The following PDE7B variants were observed in gnomAD, a reference collection of about 807,000 sequenced individuals.
The protein encoded by PDE7B is 3',5'-cyclic-AMP phosphodiesterase 7B.
Under a neutral mutation model 56.2 loss-of-function variants are expected in PDE7B, and 29 were observed. The ratio of observed to expected loss-of-function variants is 0.52; its 90% CI spans 0.38 to 0.70. The LOEUF (loss-of-function observed/expected upper bound fraction) is 0.70, where lower values mean the gene tolerates loss of function less well. PDE7B is among the 30% of genes least tolerant of loss of function. The pLI, the probability that PDE7B is intolerant of heterozygous loss-of-function variation, is 0.00. For missense variants in PDE7B, 490 were observed against 565.0 expected (o/e 0.87, Z 1.35); for synonymous variants, 197 against 196.9 (o/e 1.00, Z 0.00).
chr6:136,076,490 C>T (rs1777130543), intron 2 of PDE7B, among the ~76,000 whole-genome samples: 1 of 152,074 alleles, frequency 6.6e-6, no homozygotes, highest in Admixed American at 6.6e-5. Context: ...TAAAAATAAG[C>T]TAATGTGTGC....
intron 3 of PDE7B, among the ~76,000 whole-genome samples, chr6:136,144,529 A>G (rs940559675): frequency 1.3e-5 from 2 of 152,190 alleles, no homozygotes; most frequent in Admixed American, 1.3e-4. Context: ...CACATGTGAA[A>G]TGAGTATTAA....
At chr6:136,084,092 G>A (rs1408469504) in intron 2 of PDE7B, among the ~76,000 whole-genome samples, 1 of 151,882 alleles carries the variant, frequency 6.6e-6, no homozygotes, top group Non-Finnish European at 1.5e-5. Context: ...CTACCAACTG[G>A]GACATTGTGT....
intron 1 of PDE7B, among the ~76,000 whole-genome samples, chr6:135,887,392 A>G (rs1483834988): frequency 2.0e-5 from 3 of 152,160 alleles, no homozygotes; most frequent in Non-Finnish European, 4.4e-5. Flanking sequence ...TGCTCTGCAG[A>G]TTAACTGTAC....
At chr6:136,020,121 T>C (rs1237730250) in intron 2 of PDE7B, among the ~76,000 whole-genome samples, 1 of 152,184 alleles carries the variant, frequency 6.6e-6, no homozygotes, top group Non-Finnish European at 1.5e-5. Context: ...CCCTCTTCAG[T>C]GTGTCTCTTC....
chr6:135,913,794 A>G (rs1776251014), intron 1 of PDE7B, among the ~76,000 whole-genome samples: 1 of 152,218 alleles, frequency 6.6e-6, no homozygotes, highest in Non-Finnish European at 1.5e-5. Flanking sequence ...TTTATATGGC[A>G]GAACTTTACA....
At chr6:136,037,445 G>T (rs1422254188) in intron 2 of PDE7B, 2 of 985,290 alleles carry the variant, frequency 2.0e-6, no homozygotes, top group Non-Finnish European at 2.4e-6. Flanking sequence ...ATGACACAAG[G>T]GGGAGGGATG....
intron 2 of PDE7B, among the ~76,000 whole-genome samples, chr6:135,964,665 A>T (rs183630447): frequency 6.6e-6 from 1 of 152,146 alleles, no homozygotes; most frequent in Non-Finnish European, 1.5e-5. Context: ...TGATCTGATA[A>T]TGATGGATTT....
chr6:135,882,024 A>G (rs1315764913), intron 1 of PDE7B, among the ~76,000 whole-genome samples: 1 of 152,190 alleles, frequency 6.6e-6, no homozygotes, highest in Non-Finnish European at 1.5e-5. Context: ...TTCTTTTGCC[A>G]TATTTTTCAT....
chr6:136,124,003 A>T (rs2128443712), intron 3 of PDE7B, among the ~76,000 whole-genome samples: 1 of 152,332 alleles, frequency 6.6e-6, no homozygotes, highest in Non-Finnish European at 1.5e-5. Context: ...TTATGACAAG[A>T]GTGAGTCTCT....
chr6:135,868,430 AC>A (rs1458256670), intron 1 of PDE7B, among the ~76,000 whole-genome samples: 1 of 149,038 alleles, frequency 6.7e-6, no homozygotes, highest in Non-Finnish European at 1.5e-5. Context: ...GGGGAGATAA[AC>A]TTTTTTTTTT....
intron 2 of PDE7B, among the ~76,000 whole-genome samples, chr6:136,042,986 T>C (rs922331504): frequency 6.6e-6 from 1 of 152,208 alleles, no homozygotes; most frequent in Non-Finnish European, 1.5e-5. Context: ...CTCAAACTAC[T>C]GGCTGTAAAA....
intron 1 of PDE7B, among the ~76,000 whole-genome samples, chr6:135,913,485 GCATAAC>G (rs1776245596): frequency 6.6e-6 from 1 of 152,144 alleles, no homozygotes; most frequent in Non-Finnish European, 1.5e-5. Context: ...ACTCTTTAGT[GCATAAC>G]ACCTATGCCT....
At chr6:136,171,460 T>C (rs778191629) in intron 8 of PDE7B, among the ~76,000 whole-genome samples, 2 of 152,150 alleles carry the variant, frequency 1.3e-5, no homozygotes, top group Non-Finnish European at 2.9e-5. Flanking sequence ...TGTCACCAGC[T>C]ACCCTGGTGG....
intron 2 of PDE7B, among the ~76,000 whole-genome samples, chr6:135,972,354 C>T (rs776838741): frequency 3.3e-5 from 5 of 150,040 alleles, no homozygotes; most frequent in Non-Finnish European, 7.4e-5. Flanking sequence ...GTTTTGGCTA[C>T]TGTCAAGTCA....
intron 2 of PDE7B, among the ~76,000 whole-genome samples, chr6:136,054,829 AG>A (rs1187168749): frequency 6.6e-6 from 1 of 152,192 alleles, no homozygotes; most frequent in East Asian, 1.9e-4. Context: ...GGAAAAGCAA[AG>A]GGACATCTTA....
At chr6:135,917,461 C>A (rs1006185603) in intron 1 of PDE7B, among the ~76,000 whole-genome samples, 1 of 151,918 alleles carries the variant, frequency 6.6e-6, no homozygotes, top group South Asian at 2.1e-4. Flanking sequence ...TTTACAGTTT[C>A]CAGTTTTCTA....
chr6:135,852,303 G>C (rs1774956712), intron 1 of PDE7B, among the ~76,000 whole-genome samples: 1 of 151,368 alleles, frequency 6.6e-6, no homozygotes, highest in African/African-American at 2.4e-5. Flanking sequence ...CACTGAGGTG[G>C]TCTTTAAAAA....
In PDE7B at chr6:136,173,897, T is replaced by C; in HGVS notation, c.803+9T>C. ...TTGCCAAAGGAAATGACGTAAGTGC[T>C]GCCGAGATGAAACATACTGATGTGC... On this transcript the variant is annotated intron_variant, in intron 9 of 12. Transcript: ENST00000308191. The C allele has an allele frequency of 1.9e-6, 3 of 1,591,160 alleles. No homozygotes were observed. The highest frequency in any genetic ancestry group is 2.6e-6 in the Non-Finnish European group (3 of 1,159,320).
intron 1 of PDE7B, among the ~76,000 whole-genome samples, chr6:135,873,938 C>A (rs763032187): frequency 6.6e-6 from 1 of 152,092 alleles, no homozygotes; most frequent in East Asian, 1.9e-4. Context: ...GTTCTAGGCA[C>A]CTGCAGATTC....
Sources: allele counts gnomAD v4.1 joint callset (sites outside exome capture counted in the v4.1 genomes callset), GRCh38; gene constraint gnomAD v4.1.1; transcripts MANE v1.5; gene names NCBI Gene and HGNC (gene_info 2026-07-23, HGNC 2026-07-21).